Variants in ISY1 observed in about 807,000 individuals in gnomAD.
ISY1 encodes ISY1 spliceosome associated protein, also known as pre-mRNA-splicing factor ISY1 homolog.
ISY1 carries 12 observed loss-of-function variants against 54.4 expected under a neutral mutation model. That is an observed-to-expected ratio of 0.22 (90% CI 0.14 to 0.36). ISY1 has a LOEUF of 0.36. Ranked by LOEUF, ISY1 falls within the 10% of genes least tolerant of loss-of-function variation. The probability of loss-of-function intolerance (pLI) is 1.00; values close to 1 mark genes in which losing one functional copy is unlikely to be tolerated. For missense variants in ISY1, 282 were observed against 342.2 expected, an observed-to-expected ratio of 0.82 and a Z score of 1.39; for synonymous variants, 96 against 117.9, an observed-to-expected ratio of 0.81 and a Z score of 1.20.
chr3:129,147,102 C>A (rs1394030864), intron 5 of ISY1, among the ~76,000 whole-genome samples: 1 of 149,222 alleles, frequency 6.7e-6, no homozygotes, highest in African/African-American at 2.5e-5. Context: ...TAACTGGGTG[C>A]GGTGGCTCAC....
chr3:129,141,095 T>C (rs981889328), intron 6 of ISY1, among the ~76,000 whole-genome samples: 3 of 148,804 alleles, frequency 2.0e-5, no homozygotes, highest in African/African-American at 7.5e-5. Flanking sequence ...TCCCAGCTAC[T>C]CAGGAGACTG....
At chr3:129,135,106 T>C in intron 7 of ISY1, 152 bp from the exon 8 acceptor site, 3 of 1,092,118 alleles carry the variant, frequency 2.7e-6, no homozygotes, top group African/African-American at 1.6e-5. Flanking sequence ...CCTAGCGCTT[T>C]GGGAGGCCCA....
At chr3:129,145,667 C>T (rs1347965077) in intron 6 of ISY1, 94 bp downstream of exon 6, 1 of 1,211,674 alleles carries the variant, frequency 8.3e-7, no homozygotes, top group Non-Finnish European at 1.2e-6. Context: ...CATAGCTTTC[C>T]TGTATCAAGC....
intron 9 of ISY1, among the ~76,000 whole-genome samples, chr3:129,131,306 G>C (rs185359699): frequency 6.6e-6 from 1 of 152,334 alleles, no homozygotes; most frequent in East Asian, 1.9e-4. Flanking sequence ...ATGTACTCAA[G>C]AGAAACACTG....
chr3:129,136,193 C>T (rs1005711032), intron 7 of ISY1, among the ~76,000 whole-genome samples: 5 of 151,732 alleles, frequency 3.3e-5, no homozygotes, highest in Admixed American at 3.3e-4. Context: ...CCTCTGCATC[C>T]CGGGTTCAAG....
intron 5 of ISY1, among the ~76,000 whole-genome samples, chr3:129,149,197 C>T (rs544337342): frequency 8.4e-4 from 127 of 151,254 alleles, no homozygotes; most frequent in African/African-American, 2.8e-3. Flanking sequence ...TTTGGGAGGC[C>T]GAGGCAGGCA....
chr3:129,136,181 A>C (rs770416786), intron 7 of ISY1, among the ~76,000 whole-genome samples: 116 of 151,740 alleles, frequency 7.6e-4, no homozygotes, highest in Admixed American at 1.8e-3. Flanking sequence ...GGCTCACTGC[A>C]ACCTCTGCAT....
intron 7 of ISY1, among the ~76,000 whole-genome samples, chr3:129,136,034 C>T (rs1018834467): frequency 7.3e-5 from 11 of 150,016 alleles, no homozygotes; most frequent in Non-Finnish European, 1.0e-4. Context: ...TAGAAACAAA[C>T]AAAAAAGATA....
intron 7 of ISY1, 90 bp from the exon 8 acceptor site, chr3:129,135,044 GCACGTATGTT>G: frequency 6.9e-7 from 1 of 1,444,968 alleles, no homozygotes; most frequent in Non-Finnish European, 9.2e-7. Context: ...CACACACGTG[GCACGTATGTT>G]CATGAAAATA....
At chr3:129,155,724 A>AT (rs201023627) in intron 5 of ISY1, among the ~76,000 whole-genome samples, 5,587 of 145,300 alleles carry the variant, frequency 0.038, 228 homozygotes, top group East Asian at 0.14. Context: ...TGTAATTTCA[A>AT]TTTTTTTTTT....
intron 5 of ISY1, among the ~76,000 whole-genome samples, chr3:129,150,360 T>C (rs1204027249): frequency 6.6e-6 from 1 of 152,204 alleles, no homozygotes; most frequent in Non-Finnish European, 1.5e-5. Flanking sequence ...CTTTGGTTTC[T>C]TTAGTCATCG....
At position 129,154,721 on chromosome 3, in the gene ISY1, C is replaced by T. The variant is rs1347796623; in HGVS notation, c.187+1912G>A. Reference sequence around the variant, plus strand: ...TTTTTTTTTTTGAGACAGAGTCTCGCTCTGTCTCCCAGGCTGGAGTGCAGT... The same window carrying T: ...TTTTTTTTTTTGAGACAGAGTCTCGTTCTGTCTCCCAGGCTGGAGTGCAGT... On this transcript the variant is annotated intron_variant, in intron 5 of 10. Coordinates refer to ENST00000393295, the MANE Select transcript of ISY1 (RefSeq NM_020701.4). Among the ~76,000 whole-genome samples, 70 of 144,940 alleles carry T rather than the reference C, an allele frequency of 4.8e-4. 1 individual carries two copies. The Admixed American group carries it at 5.0e-3, about 10-fold the overall frequency.
chr3:129,149,636 T>TATATATATACAC (rs759382962), intron 5 of ISY1, among the ~76,000 whole-genome samples: 32 of 54,686 alleles, frequency 5.9e-4, no homozygotes, highest in African/African-American at 1.9e-3. Flanking sequence ...TATATATATA[T>TATATATATACAC]ACACAAAAAA....
At chr3:129,148,095 T>TGGGGATTACAGGCA (rs1936830221) in intron 5 of ISY1, among the ~76,000 whole-genome samples, 1 of 152,092 alleles carries the variant, frequency 6.6e-6, no homozygotes, top group Non-Finnish European at 1.5e-5. Context: ...CCCAAAGTGC[T>TGGGGATTACAGGCA]GGGGATTACA....
chr3:129,158,510 T>G lies in ISY1; in HGVS notation c.76A>C (p.Lys26Gln). ...RQAQLEEGKV[K>Q]ERRPFLASEC... The stretch of plus-strand genomic sequence containing the variant: ...TCATGAGGAAGATTTACACCAACCT[T>G]CACTTTTCCCTCTTCCAGCTGAGCC... The change falls in exon 3 of 11, where the codon AAG (lysine) becomes CAG (glutamine). Residue 26 changes from lysine (K) to glutamine (Q), a missense_variant and splice_region_variant. Physicochemically the swap from Lys to Gln is moderately conservative, Grantham distance 53. Around this residue, in one of 2 missense-constraint regions of ISY1, gnomAD observed 279 missense variants for 323.6 expected, o/e 0.86. Transcript: ENST00000393295. 1 of 1,613,834 alleles carries G rather than the reference T, an allele frequency of 6.2e-7. No individual in the cohort carries two copies. Among genetic ancestry groups the G allele is most frequent in the Non-Finnish European group, 8.5e-7 (1 of 1,179,978 alleles).
At chr3:129,159,889 A>G (rs1263535759) in intron 1 of ISY1, among the ~76,000 whole-genome samples, 1 of 152,246 alleles carries the variant, frequency 6.6e-6, no homozygotes, top group African/African-American at 2.4e-5. Flanking sequence ...ATAGACACTC[A>G]GCAAAATCGA....
intron 7 of ISY1, among the ~76,000 whole-genome samples, chr3:129,135,356 A>ACAAAAACCAAACACGAG: frequency 1.3e-5 from 2 of 152,020 alleles, no homozygotes; most frequent in African/African-American, 4.8e-5. Context: ...AGAAAAAGAA[A>ACAAAAACCAAACACGAG]ATACCATGGA....
chr3:129,132,419 C>T (rs1376580750), intron 9 of ISY1, among the ~76,000 whole-genome samples: 1 of 152,196 alleles, frequency 6.6e-6, no homozygotes, highest in East Asian at 1.9e-4. Flanking sequence ...CCTCCACTCA[C>T]ACCCAGCACC....
At chr3:129,160,528 G>A (rs1016326313) in intron 1 of ISY1, among the ~76,000 whole-genome samples, 2 of 151,884 alleles carry the variant, frequency 1.3e-5, no homozygotes, top group Non-Finnish European at 2.9e-5. Flanking sequence ...GAAGCAATAA[G>A]GAAAAGACCC....
Sources: gnomAD v4.1 joint callset for allele counts (sites outside exome capture counted in the v4.1 genomes callset) on GRCh38, gnomAD v4.1.1 for gene constraint, gnomAD v4.1.1 regional missense constraint, MANE v1.5 for transcripts, NCBI Gene and HGNC (gene_info 2026-07-23, HGNC 2026-07-21) for gene names.